Variants in DOK7 observed in about 807,000 individuals in gnomAD.
DOK7 encodes the protein docking protein 7.
A neutral mutation model predicts 30.7 loss-of-function variants in DOK7; 32 were observed. The ratio of observed to expected loss-of-function variants is 1.04; its 90% CI spans 0.79 to 1.40. DOK7 has a LOEUF of 1.40. DOK7 is among the 40% of genes most tolerant of loss of function. The pLI is 0.00. For missense variants in DOK7, 1,007 were observed against 699.2 expected, an observed-to-expected ratio of 1.44 and a Z score of -4.97; for synonymous variants, 447 against 324.1, an observed-to-expected ratio of 1.38 and a Z score of -4.07.
chr4:3,493,030 C>A lies in DOK7; in HGVS notation c.1044C>A (p.Tyr348Ter). 1 of 1,570,258 alleles carries A rather than the reference C, an allele frequency of 6.4e-7. No homozygotes were observed. Among genetic ancestry groups the A allele is most frequent in the Non-Finnish European group, 8.6e-7 (1 of 1,162,818 alleles). Residue 348 changes from tyrosine (Y) to a stop codon, truncating the protein, a stop_gained, in exon 7 of 7, where the codon TAC becomes TAA. Coordinates refer to ENST00000340083, the MANE Select transcript of DOK7 (RefSeq NM_173660.5). LOFTEE classifies it low-confidence loss of function (END_TRUNC). ...SGIATGSHSS[Y>*]SSSLSSYAGS... ...TCGCCACTGGCAGCCACTCCTCTTA[C>A]TCCAGCAGCCTCTCGTCCTACGCGG...
In DOK7 at chr4:3,476,478, C is replaced by T; in HGVS notation, c.468C>T (p.Asp156=). 6.2e-7 allele frequency: 1 copy of T among 1,613,870 alleles called. No homozygotes were observed. Among genetic ancestry groups the T allele is most frequent in the Non-Finnish European group, 8.5e-7 (1 of 1,180,022 alleles). ...PAVTGQWKLS[D]LRRYGAVPSG... is the part of the protein sequence containing the mutation. ...TCACGGGGCAGTGGAAGCTGTCTGA[C>T]CTCCGGCGCTACGGGGCCGTGCCAA... The change falls in exon 4 of 7, where the codon GAC becomes GAT. Residue 156 remains aspartate, a synonymous_variant. Transcript: ENST00000340083.
chr4:3,494,085 T>C lies in DOK7; in HGVS notation c.*584T>C. Reference sequence around the variant, plus strand: ...TGTGTGGCTTGCGGGGTCTCTGGGTTCTGGGCCCCACTGTTCCCCAGTGAA... The same window carrying C: ...TGTGTGGCTTGCGGGGTCTCTGGGTCCTGGGCCCCACTGTTCCCCAGTGAA... On this transcript the variant is annotated 3_prime_UTR_variant, in exon 7 of 7. Transcript: ENST00000340083. 1.0e-6 allele frequency: 1 copy of C among 986,690 alleles called. No homozygotes were observed. The highest frequency in any genetic ancestry group is 1.2e-6 in the Non-Finnish European group (1 of 830,906). The allele number at this position is 986,690 out of a possible 1,614,324, so 61.1% of individuals were successfully genotyped here. A position where few individuals can be genotyped will look rare whatever the true frequency, so the allele number is the denominator to read the frequency against.
chr4:3,473,664 G>T, intron 3 of DOK7, 28 bp downstream of exon 3: 1 of 1,517,204 alleles, frequency 6.6e-7, no homozygotes, highest in Non-Finnish European at 8.9e-7. Flanking sequence ...GGGCCGGGCG[G>T]GGGCTCCCCG....
chr4:3,470,301 G>T (rs907108800), intron 2 of DOK7, among the ~76,000 whole-genome samples: 7 of 152,230 alleles, frequency 4.6e-5, no homozygotes, highest in Non-Finnish European at 8.8e-5. Context: ...GATTACATAT[G>T]CAGAAACCCT....
chr4:3,475,348 G>A (rs1337302867), intron 3 of DOK7, among the ~76,000 whole-genome samples: 1 of 152,266 alleles, frequency 6.6e-6, no homozygotes, highest in Non-Finnish European at 1.5e-5. Context: ...ATGCGCCTGA[G>A]GCCACAGCTT....
At position 3,463,390 on chromosome 4, in the gene DOK7, G is replaced by A. The variant is rs1240909250; in HGVS notation, c.15G>A (p.Ala5=). 3 of 1,494,984 alleles carry A rather than the reference G, an allele frequency of 2.0e-6. No homozygotes were observed. Among genetic ancestry groups the A allele is most frequent in the East Asian group, 2.6e-5 (1 of 37,856 alleles). The allele number at this position is 1,494,984 out of a possible 1,614,324, so 92.6% of individuals were successfully genotyped here. Residue 5 remains alanine (A), a synonymous_variant, in exon 1 of 7, where the codon GCG becomes GCA. Coordinates refer to ENST00000340083, the MANE Select transcript of DOK7 (RefSeq NM_173660.5). MTEA[A]LVEGQVKLRD... Reference sequence around the variant, plus strand: ...CATGACAGAAGATGACCGAGGCGGCGCTGGTGGAGGGCCAGGTCAAGCTGC... The same window carrying A: ...CATGACAGAAGATGACCGAGGCGGCACTGGTGGAGGGCCAGGTCAAGCTGC...
Position 3,493,347 on chromosome 4 carries a change from T to C in DOK7, c.1361T>C (p.Leu454Pro). The C allele has an allele frequency of 1.3e-6, 2 of 1,599,100 alleles. No individual in the cohort carries two copies. Among genetic ancestry groups the C allele is most frequent in the Non-Finnish European group, 1.7e-6 (2 of 1,173,110 alleles). ...SGWLGTRRRG[L>P]VMEAPQGSEA... ...TGGCTGGGCACGAGACGGCGGGGCC[T>C]GGTGATGGAGGCCCCCCAGGGCAGC... Residue 454 changes from leucine (L) to proline (P), a missense_variant, in exon 7 of 7, where the codon CTG (leucine) becomes CCG (proline). By Grantham distance (98) the Leu-to-Pro change is moderately conservative (BLOSUM62 -3). Transcript: ENST00000340083.
At chr4:3,465,038 C>G (rs1726192311) in intron 2 of DOK7, among the ~76,000 whole-genome samples, 1 of 152,180 alleles carries the variant, frequency 6.6e-6, no homozygotes, top group African/African-American at 2.4e-5. Flanking sequence ...CATGCCCCCT[C>G]TGGGTGGATG....
Position 3,493,405 on chromosome 4 carries a change from G to A in DOK7, c.1419G>A (p.Glu473=). The part of the protein sequence containing the change: ...EATLPGPAPG[E]PWEAGGPHAG... ...CACTGCCTGGCCCTGCCCCTGGCGA[G>A]CCCTGGGAAGCAGGCGGCCCCCACG... Residue 473 remains glutamate (E), a synonymous_variant, in exon 7 of 7, where the codon GAG becomes GAA. Transcript: ENST00000340083. The A allele has an allele frequency of 1.3e-6, 2 of 1,596,626 alleles. No homozygotes were observed. The highest frequency in any genetic ancestry group is 1.7e-6 in the Non-Finnish European group (2 of 1,171,898).
intron 4 of DOK7, among the ~76,000 whole-genome samples, chr4:3,482,341 A>G (rs1727486446): frequency 6.6e-6 from 1 of 152,142 alleles, no homozygotes; most frequent in Non-Finnish European, 1.5e-5. Context: ...GCATTTGGCT[A>G]TGGTGGGGCC....
intron 2 of DOK7, among the ~76,000 whole-genome samples, chr4:3,469,052 G>C (rs571423843): frequency 1.6e-5 from 2 of 121,328 alleles, no homozygotes; most frequent in East Asian, 2.2e-4. Flanking sequence ...GTGCATGTCT[G>C]TGTGTGCATT....
intron 6 of DOK7, among the ~76,000 whole-genome samples, chr4:3,490,848 TC>T (rs1290492198): frequency 1.2e-5 from 1 of 83,722 alleles, no homozygotes. Context: ...ATTCCTTCCT[TC>T]CCCCCCACTC....
chr4:3,488,972 C>T (rs1490735603), intron 5 of DOK7, among the ~76,000 whole-genome samples: 1 of 152,226 alleles, frequency 6.6e-6, no homozygotes, highest in Non-Finnish European at 1.5e-5. Context: ...GGCAGTGATG[C>T]TGAGGCTCGC....
downstream of DOK7, among the ~76,000 whole-genome samples, chr4:3,498,310 C>T (rs951912032): frequency 1.3e-5 from 2 of 152,188 alleles, no homozygotes; most frequent in Non-Finnish European, 2.9e-5. Context: ...GATACAGATA[C>T]GGACACACTG....
intron 2 of DOK7, among the ~76,000 whole-genome samples, chr4:3,469,309 C>T (rs183966956): frequency 2.5e-4 from 38 of 152,238 alleles, no homozygotes; most frequent in Admixed American, 2.3e-3. Flanking sequence ...TTCAGCATCA[C>T]GACCCGGTGC....
chr4:3,500,410 C>A (rs775169422), intron 7 of DOK7: 3 of 1,535,610 alleles, frequency 2.0e-6, no homozygotes. Flanking sequence ...CGAGGTGGGT[C>A]CCCGCCCTGC....
intron 3 of DOK7, among the ~76,000 whole-genome samples, chr4:3,474,151 C>CCTGGGGGCCT (rs983936056): frequency 6.6e-6 from 1 of 152,128 alleles, no homozygotes; most frequent in Non-Finnish European, 1.5e-5. Flanking sequence ...CGAATGGGTG[C>CCTGGGGGCCT]CTGGGGGCCT....
intron 2 of DOK7, among the ~76,000 whole-genome samples, chr4:3,464,744 C>G (rs976114735): frequency 6.6e-6 from 1 of 152,134 alleles, no homozygotes; most frequent in Non-Finnish European, 1.5e-5. Context: ...AGAGGAGTGT[C>G]GGGGGAGAAG....
chr4:3,489,948 T>A, intron 6 of DOK7, 152 bp downstream of exon 6: 1 of 1,239,282 alleles, frequency 8.1e-7, no homozygotes, highest in Non-Finnish European at 1.1e-6. Context: ...TTCCCCCAAC[T>A]CCCCGCCCCG....
Sources: gnomAD v4.1 joint callset for allele counts (sites outside exome capture counted in the v4.1 genomes callset) on GRCh38, gnomAD v4.1.1 for gene constraint, MANE v1.5 for transcripts, NCBI Gene and HGNC (gene_info 2026-07-23, HGNC 2026-07-21) for gene names.